The following PPP1CB variants were observed in gnomAD, a reference collection of about 807,000 sequenced individuals.
PPP1CB encodes protein phosphatase 1 catalytic subunit beta, also known as serine/threonine-protein phosphatase PP1-beta catalytic subunit.
Under a neutral mutation model 43.7 loss-of-function variants are expected in PPP1CB, and 2 were observed. The ratio of observed to expected loss-of-function variants is 0.05; its 90% confidence interval spans 0.02 to 0.14. The LOEUF is 0.14. Among genes scored for constraint, PPP1CB ranks in the 10% least tolerant of loss-of-function variants. The pLI is 1.00. For missense variants in PPP1CB, 84 were observed against 398.0 expected, an observed-to-expected ratio of 0.21 and a Z score of 6.71; for synonymous variants, 136 against 135.6, an observed-to-expected ratio of 1.00 and a Z score of -0.02.
chr2:28,752,324 G>A, intron 1 of PPP1CB, 148 bp downstream of exon 1: 1 of 775,298 alleles, frequency 1.3e-6, no homozygotes, highest in South Asian at 1.9e-5. Flanking sequence ...AACCGAGGAG[G>A]GGGCGAGGAG....
chr2:28,751,957 T>G lies in PPP1CB; in HGVS notation c.-168T>G. ...CCTCCGAGTGTGCGCGCGCTCTCGCTACCCGGCGGGGAGGGGGTGGGGGGA... is the reference window on the plus strand; with the variant it reads ...CCTCCGAGTGTGCGCGCGCTCTCGCGACCCGGCGGGGAGGGGGTGGGGGGA... On this transcript the variant is annotated 5_prime_UTR_variant, in exon 1 of 8. Coordinates refer to ENST00000395366, the MANE Select transcript of PPP1CB (RefSeq NM_002709.3). 1 of 644,628 alleles carries G rather than the reference T, an allele frequency of 1.6e-6. No homozygotes were observed. Among genetic ancestry groups the G allele is most frequent in the Admixed American group, 2.6e-5 (1 of 38,154 alleles). The allele number at this position is 644,628 out of a possible 1,614,324, so 39.9% of individuals were successfully genotyped here. A position where few individuals can be genotyped will look rare whatever the true frequency, so the allele number is the denominator to read the frequency against.
intron 1 of PPP1CB, among the ~76,000 whole-genome samples, chr2:28,753,525 G>A (rs1666396883): frequency 6.6e-6 from 1 of 152,178 alleles, no homozygotes; most frequent in African/African-American, 2.4e-5. Flanking sequence ...TTACTATCAA[G>A]TTATTCCTGG....
At chr2:28,795,251 G>A (rs1023358408) in intron 7 of PPP1CB, among the ~76,000 whole-genome samples, 3 of 152,184 alleles carry the variant, frequency 2.0e-5, no homozygotes, top group Admixed American at 1.3e-4. Flanking sequence ...CACTGTTGAT[G>A]GACATCTAGG....
intron 1 of PPP1CB, among the ~76,000 whole-genome samples, chr2:28,768,902 C>A (rs1666838540): frequency 6.6e-6 from 1 of 151,694 alleles, no homozygotes. Context: ...AAAGGTCTAT[C>A]ATGTATAATA....
chr2:28,799,589 C>G lies in PPP1CB; in HGVS notation c.*286C>G. On this transcript the variant is annotated 3_prime_UTR_variant, in exon 8 of 8. Coordinates refer to ENST00000395366, the MANE Select transcript of PPP1CB (RefSeq NM_002709.3). The stretch of plus-strand genomic sequence containing the variant: ...ACAATTTTTAAAGTTGAAAAGCATC[C>G]CAGTTAAACTAGATGTGATAGTTAA... The G allele has an allele frequency of 3.6e-6, 1 of 275,952 alleles. No individual in the cohort carries two copies. The highest frequency in any genetic ancestry group is 6.7e-6 in the Non-Finnish European group (1 of 148,344). The allele number at this position is 275,952 out of a possible 1,614,324, so 17.1% of individuals were successfully genotyped here.
chr2:28,773,196 G>C (rs1666951066), intron 1 of PPP1CB, among the ~76,000 whole-genome samples: 1 of 152,282 alleles, frequency 6.6e-6, no homozygotes, highest in Middle Eastern at 3.4e-3. Flanking sequence ...TATGTAATAT[G>C]TTAAAATATT....
intron 1 of PPP1CB, 113 bp downstream of exon 1, chr2:28,752,289 C>G (rs1161138252): frequency 1.9e-6 from 2 of 1,032,254 alleles, no homozygotes; most frequent in East Asian, 3.0e-5. Context: ...CGAGACGAGT[C>G]TCTGGGAGCG....
intron 7 of PPP1CB, among the ~76,000 whole-genome samples, chr2:28,798,500 A>G (rs142999249): frequency 4.6e-5 from 7 of 152,148 alleles, no homozygotes; most frequent in East Asian, 1.9e-4. Flanking sequence ...GGACTGTACA[A>G]TGTACAACTC....
intron 6 of PPP1CB, among the ~76,000 whole-genome samples, chr2:28,789,508 C>CA (rs562802316): frequency 6.1e-5 from 9 of 148,704 alleles, no homozygotes; most frequent in African/African-American, 1.2e-4. Context: ...GACCCAGTCT[C>CA]AAAAAAAAGA....
chr2:28,773,345 AAGTT>A (rs1190003685), intron 1 of PPP1CB, among the ~76,000 whole-genome samples: 1 of 152,140 alleles, frequency 6.6e-6, no homozygotes, highest in Admixed American at 6.5e-5. Context: ...ACTGGCCTTT[AAGTT>A]AGAAGACTAA....
chr2:28,764,639 G>C (rs1364415411), intron 1 of PPP1CB, among the ~76,000 whole-genome samples: 2 of 152,070 alleles, frequency 1.3e-5, no homozygotes, highest in Non-Finnish European at 2.9e-5. Flanking sequence ...TGGGGGTTGA[G>C]TAAGAGTTAG....
chr2:28,791,031 G>A (rs1667373796), intron 6 of PPP1CB, among the ~76,000 whole-genome samples: 1 of 152,144 alleles, frequency 6.6e-6, no homozygotes, highest in Non-Finnish European at 1.5e-5. Flanking sequence ...TTATATAGTT[G>A]CTGACATTGT....
intron 5 of PPP1CB, among the ~76,000 whole-genome samples, chr2:28,786,974 A>T (rs6747852): frequency 0.57 from 85,996 of 151,634 alleles, 24,888 homozygotes; most frequent in Middle Eastern, 0.64. Flanking sequence ...TCTTAAAACA[A>T]CATACAGGGA....
chr2:28,777,131 T>C (rs1216923494), intron 2 of PPP1CB, 149 bp downstream of exon 2: 3 of 768,124 alleles, frequency 3.9e-6, no homozygotes, highest in East Asian at 2.8e-5. Flanking sequence ...TTGAAACTTA[T>C]AAAAATGACA....
intron 1 of PPP1CB, among the ~76,000 whole-genome samples, chr2:28,774,286 T>C (rs1666982193): frequency 6.6e-6 from 1 of 152,222 alleles, no homozygotes; most frequent in South Asian, 2.1e-4. Context: ...ACTGTTCTTC[T>C]TGTTCATTGC....
chr2:28,801,255 A>G lies in PPP1CB; in HGVS notation c.*1952A>G, dbSNP rs2148065644. 6.6e-6 allele frequency: 1 copy of G among 152,224 alleles called. No individual in the cohort carries two copies. Among genetic ancestry groups the G allele is most frequent in the East Asian group, 1.9e-4 (1 of 5,184 alleles). The allele number at this position is 152,224 out of a possible 1,614,324, so 9.4% of individuals were successfully genotyped here. On this transcript the variant is annotated 3_prime_UTR_variant, in exon 8 of 8. Transcript: ENST00000395366. ...TGTAAGCTGAGCGATTTCTAATAAA[A>G]TTTTAGTTGTACACTTTTAGTAGTC... is the stretch of plus-strand genomic sequence containing the variant.
chr2:28,757,852 C>T lies in PPP1CB; in HGVS notation c.52+5676C>T, dbSNP rs914104754. Among the ~76,000 whole-genome samples the T allele has an allele frequency of 3.3e-5, 5 of 151,856 alleles. No homozygotes were observed. In the South Asian group the frequency reaches 6.2e-4, roughly 19 times the overall value. Reference sequence around the variant, plus strand: ...GACCTGGAGCTTTTCTGGTAAATATCTAAATCCAAGATGAAGATTCGTTGG... The same window carrying T: ...GACCTGGAGCTTTTCTGGTAAATATTTAAATCCAAGATGAAGATTCGTTGG... On this transcript the variant is annotated intron_variant, in intron 1 of 7. Coordinates refer to ENST00000395366, the MANE Select transcript of PPP1CB (RefSeq NM_002709.3).
At chr2:28,774,090 G>A (rs1666976019) in intron 1 of PPP1CB, among the ~76,000 whole-genome samples, 1 of 152,112 alleles carries the variant, frequency 6.6e-6, no homozygotes, top group Non-Finnish European at 1.5e-5. Context: ...ACAAGTTGAA[G>A]CACTTTATAG....
At chr2:28,765,993 C>T (rs897301947) in intron 1 of PPP1CB, among the ~76,000 whole-genome samples, 42 of 152,284 alleles carry the variant, frequency 2.8e-4, no homozygotes, top group African/African-American at 9.9e-4. Context: ...GGAAGTTTCT[C>T]ATATATTTTT....
Sources: gnomAD v4.1 joint callset for allele counts (sites outside exome capture counted in the v4.1 genomes callset) on GRCh38, gnomAD v4.1.1 for gene constraint, MANE v1.5 for transcripts, NCBI Gene and HGNC (gene_info 2026-07-23, HGNC 2026-07-21) for gene names.